Variants in NAV2 observed in about 807,000 individuals in gnomAD.
The protein encoded by NAV2 is helicase, APC down-regulated 1.
A neutral mutation model predicts 223.2 loss-of-function variants in NAV2; 54 were observed. The observed-to-expected ratio is 0.24, with a 90% CI of 0.19 to 0.30. The LOEUF is 0.30. Among genes scored for constraint, NAV2 ranks in the 10% least tolerant of loss-of-function variants. NAV2 has a pLI of 1.00. For synonymous variants in NAV2, 1,279 were observed against 1,239.3 expected (o/e 1.03, Z -0.67); for missense variants, 2,806 against 3,147.5 (o/e 0.89, Z 2.60).
intron 1 of NAV2, among the ~76,000 whole-genome samples, chr11:19,498,964 T>G (rs572742283): frequency 6.6e-6 from 1 of 152,228 alleles, no homozygotes; most frequent in Non-Finnish European, 1.5e-5. Flanking sequence ...AAATCATTAG[T>G]TTAAACTTCT....
At chr11:19,976,190 A>C (rs2049725559) in intron 10 of NAV2, among the ~76,000 whole-genome samples, 1 of 152,116 alleles carries the variant, frequency 6.6e-6, no homozygotes, top group Non-Finnish European at 1.5e-5. Context: ...TAGTGTGCAC[A>C]CAAATCACCT....
chr11:19,449,457 A>G (rs368109268), intron 1 of NAV2, among the ~76,000 whole-genome samples: 1 of 151,596 alleles, frequency 6.6e-6, no homozygotes, highest in African/African-American at 2.4e-5. Context: ...GGCAGAATGC[A>G]TTGGTACCAA....
chr11:19,381,423 T>C (rs1255327584), intron 1 of NAV2, among the ~76,000 whole-genome samples: 2 of 152,198 alleles, frequency 1.3e-5, no homozygotes, highest in Non-Finnish European at 2.9e-5. Context: ...AAGTCATAAA[T>C]GGTAAAATAT....
At chr11:19,553,915 GA>G (rs1438238087) in intron 1 of NAV2, among the ~76,000 whole-genome samples, 1 of 152,242 alleles carries the variant, frequency 6.6e-6, no homozygotes, top group East Asian at 1.9e-4. Flanking sequence ...GCTTTTAGCA[GA>G]ATTGTGCTGC....
At chr11:19,718,466 A>G (rs1024278198) in intron 1 of NAV2, among the ~76,000 whole-genome samples, 3 of 151,986 alleles carry the variant, frequency 2.0e-5, no homozygotes, top group Admixed American at 6.6e-5. Context: ...GGTGTTTTAG[A>G]TGTTGAAAAA....
intron 1 of NAV2, among the ~76,000 whole-genome samples, chr11:19,593,090 C>T (rs2135161321): frequency 1.3e-5 from 2 of 152,278 alleles, no homozygotes; most frequent in Admixed American, 1.3e-4. Context: ...ACAGAACTCT[C>T]CCCTGTCCAC....
At chr11:19,688,423 C>A (rs2049080967) in intron 1 of NAV2, among the ~76,000 whole-genome samples, 1 of 152,166 alleles carries the variant, frequency 6.6e-6, no homozygotes, top group Admixed American at 6.5e-5. Context: ...TCAGACTATG[C>A]CGTGGTAACA....
intron 1 of NAV2, among the ~76,000 whole-genome samples, chr11:19,455,811 G>C (rs560229498): frequency 6.6e-6 from 1 of 152,328 alleles, no homozygotes; most frequent in East Asian, 1.9e-4. Context: ...GGTAATGTCT[G>C]TGCTGGCGAA....
chr11:19,998,646 G>A lies in NAV2; in HGVS notation c.2768+14399G>A, dbSNP rs573725720. 2.7e-4 allele frequency among the ~76,000 whole-genome samples: 41 copies of A among 152,058 alleles called. No homozygotes were observed. The South Asian group carries it at 6.9e-3, about 25-fold the overall frequency. On this transcript the variant is annotated intron_variant, in intron 11 of 37. Transcript: ENST00000349880. This position sits in a 1 kb window ranked among gnomAD's most constrained non-coding sequence, Gnocchi z 5.0. Reference sequence around the variant, plus strand: ...CTTCATCCATTCCCCTGGACGTGCCGGATCTTCTCTTTCGTCAGAAGCTTT... The same window carrying A: ...CTTCATCCATTCCCCTGGACGTGCCAGATCTTCTCTTTCGTCAGAAGCTTT...
At chr11:19,903,548 T>C (rs1489692554) in intron 6 of NAV2, among the ~76,000 whole-genome samples, 1 of 152,146 alleles carries the variant, frequency 6.6e-6, no homozygotes, top group Non-Finnish European at 1.5e-5. Context: ...CCTTTGCCTT[T>C]TTCAGAGTTG....
chr11:20,080,723 G>A (rs903567344), intron 25 of NAV2, among the ~76,000 whole-genome samples: 6 of 152,152 alleles, frequency 3.9e-5, no homozygotes, highest in African/African-American at 1.4e-4. Context: ...GTCAGTGTTA[G>A]AAGTTAGCAA....
chr11:19,835,791 A>G (rs1325508166), intron 2 of NAV2, among the ~76,000 whole-genome samples: 2 of 151,276 alleles, frequency 1.3e-5, no homozygotes, highest in Admixed American at 6.6e-5. Flanking sequence ...TTTTATATAT[A>G]TCTACATAAA....
chr11:19,362,256 T>C (rs746339505), intron 1 of NAV2, among the ~76,000 whole-genome samples: 70 of 152,332 alleles, frequency 4.6e-4, no homozygotes, highest in Non-Finnish European at 7.5e-4. Flanking sequence ...GCCAGCTCTA[T>C]GTGACTCCAA....
chr11:20,053,547 G>A (rs938161036), intron 17 of NAV2, among the ~76,000 whole-genome samples: 1 of 152,112 alleles, frequency 6.6e-6, no homozygotes, highest in Non-Finnish European at 1.5e-5. Flanking sequence ...AACAATTTGG[G>A]GTTGCTTTTA....
intron 10 of NAV2, among the ~76,000 whole-genome samples, chr11:19,963,026 C>A (rs1225137622): frequency 6.6e-6 from 1 of 152,176 alleles, no homozygotes; most frequent in Non-Finnish European, 1.5e-5. Flanking sequence ...TTGTCAGAAA[C>A]ATGGGACGAA....
intron 1 of NAV2, among the ~76,000 whole-genome samples, chr11:19,405,156 T>A (rs3110086): frequency 0.18 from 27,015 of 152,134 alleles, 2,526 homozygotes; most frequent in South Asian, 0.33. Flanking sequence ...GGAAAACTCA[T>A]TCACAAGTAC....
chr11:19,429,685 T>C (rs1439907329), intron 1 of NAV2, among the ~76,000 whole-genome samples: 6 of 152,194 alleles, frequency 3.9e-5, no homozygotes, highest in Non-Finnish European at 8.8e-5. Context: ...ACTTTAAAGA[T>C]TGACATAACA....
chr11:19,602,141 G>C (rs187369945), intron 1 of NAV2, among the ~76,000 whole-genome samples: 1 of 152,214 alleles, frequency 6.6e-6, no homozygotes, highest in African/African-American at 2.4e-5. Flanking sequence ...CCCCCAGTAG[G>C]GGTGGGAGGC....
chr11:19,649,862 G>T (rs1444602653), intron 1 of NAV2, among the ~76,000 whole-genome samples: 2 of 152,132 alleles, frequency 1.3e-5, no homozygotes, highest in Non-Finnish European at 2.9e-5. Context: ...GATAGCCAGG[G>T]AAACGCAAAG....
Sources: gnomAD v4.1 joint callset for allele counts (sites outside exome capture counted in the v4.1 genomes callset) on GRCh38, gnomAD v4.1.1 for gene constraint, Gnocchi (gnomAD v3.1) non-coding constraint, MANE v1.5 for transcripts, NCBI Gene and HGNC (gene_info 2026-07-23, HGNC 2026-07-21) for gene names.